SEH1L: variants seen among roughly 807,000 people sequenced by gnomAD.
SEH1L encodes SEH1 like nucleoporin, also known as nucleoporin SEH1.
In SEH1L, 18 loss-of-function variants were observed where a neutral mutation model predicts 49.5. The observed-to-expected ratio is 0.36, with a 90% confidence interval of 0.25 to 0.54. SEH1L has a LOEUF of 0.54. Among genes scored for constraint, SEH1L ranks in the 20% least tolerant of loss-of-function variants. The probability of loss-of-function intolerance (pLI) is 0.87; values close to 1 mark genes in which losing one functional copy is unlikely to be tolerated. For missense variants in SEH1L, 404 were observed against 528.8 expected (o/e 0.76, Z 2.31); for synonymous variants, 169 against 178.1 (o/e 0.95, Z 0.41).
chr18:12,948,163 C>T lies in SEH1L; in HGVS notation c.42C>T (p.Leu14=). The T allele has an allele frequency of 6.2e-7, 1 of 1,611,350 alleles. No individual in the cohort carries two copies. The highest frequency in any genetic ancestry group is 8.5e-7 in the Non-Finnish European group (1 of 1,179,236). ...GCATCGCGGCGGACCACAAGGATCT[C>T]ATCCACGATGTCTCTTTCGACTTCC... ...ARSIAADHKD[L]IHDVSFDFHG... The change falls in exon 1 of 9, where the codon CTC becomes CTT. Residue 14 remains leucine, a synonymous_variant. Coordinates refer to ENST00000399892, the MANE Select transcript of SEH1L (RefSeq NM_001013437.2).
chr18:12,954,026 C>T (rs1023267771), intron 2 of SEH1L, among the ~76,000 whole-genome samples: 3 of 151,492 alleles, frequency 2.0e-5, no homozygotes, highest in African/African-American at 7.3e-5. Context: ...ATTTTATAGC[C>T]CTGTATAAGT....
Position 12,982,591 on chromosome 18 carries a change from T to G in SEH1L, c.835T>G (p.Ser279Ala). The part of the protein sequence containing the change: ...HIVAQFDNHN[S>A]QVWRVSWNIT... ...AGTGGCTCAGTTCGATAATCATAAT[T>G]CTCAGGTCTGGCGAGTGAGTTGGAA... Residue 279 changes from serine (S) to alanine (A), a missense_variant, in exon 7 of 9, where the codon TCT becomes GCT. Around this residue, in one of 3 missense-constraint regions of SEH1L, gnomAD observed 342 missense variants for 430.8 expected, o/e 0.79. Coordinates refer to ENST00000399892, the MANE Select transcript of SEH1L (RefSeq NM_001013437.2). The G allele has an allele frequency of 6.2e-7, 1 of 1,613,912 alleles. No homozygotes were observed. The highest frequency in any genetic ancestry group is 1.3e-5 in the African/African-American group (1 of 75,042).
intron 1 of SEH1L, among the ~76,000 whole-genome samples, chr18:12,951,493 C>T (rs1339591672): frequency 6.6e-6 from 1 of 152,082 alleles, no homozygotes; most frequent in Non-Finnish European, 1.5e-5. Flanking sequence ...GGGGTTCAAA[C>T]GATTGTCTTG....
chr18:12,982,965 A>T (rs1345129797), intron 7 of SEH1L: 1 of 198,848 alleles, frequency 5.0e-6, no homozygotes, highest in Non-Finnish European at 1.0e-5. Flanking sequence ...ACCTTACATG[A>T]CTGCTCTACA....
intron 5 of SEH1L, chr18:12,972,886 T>C (rs529841404): frequency 3.4e-5 from 4 of 116,036 alleles, no homozygotes; most frequent in African/African-American, 1.4e-4. Flanking sequence ...AGAATGAATA[T>C]GTAGACATAA....
Position 12,958,718 on chromosome 18 carries a change from T to C in SEH1L, c.309+3109T>C, listed in dbSNP as rs576318177. ...TGGCTGAGTAATATTCCATTGTGTG[T>C]GTATACCACATTTTGTTTATCCATT... On this transcript the variant is annotated intron_variant, in intron 3 of 8. Transcript: ENST00000399892. Among the ~76,000 whole-genome samples, 4 of 152,342 alleles carry C rather than the reference T, an allele frequency of 2.6e-5. No homozygotes were observed. In the South Asian group the frequency reaches 8.3e-4, roughly 32 times the overall value.
intron 2 of SEH1L, among the ~76,000 whole-genome samples, chr18:12,954,230 T>C (rs1013728747): frequency 6.6e-6 from 1 of 152,258 alleles, no homozygotes; most frequent in African/African-American, 2.4e-5. Context: ...TATTATACAG[T>C]ATTTTCCCTG....
In SEH1L at chr18:12,948,193, G is replaced by T; in HGVS notation, c.72G>T (p.Gly24=). ...LIHDVSFDFH[G]RRMATCSSDQ... ...ACGATGTCTCTTTCGACTTCCACGGGCGGCGGATGGCAACCTGCTCCAGCG... is the reference window on the plus strand; with the variant it reads ...ACGATGTCTCTTTCGACTTCCACGGTCGGCGGATGGCAACCTGCTCCAGCG... The change falls in exon 1 of 9, where the codon GGG becomes GGT. Residue 24 remains glycine, a synonymous_variant. Coordinates refer to ENST00000399892, the MANE Select transcript of SEH1L (RefSeq NM_001013437.2). 1 of 1,612,112 alleles carries T rather than the reference G, an allele frequency of 6.2e-7. No homozygotes were observed. The highest frequency in any genetic ancestry group is 8.5e-7 in the Non-Finnish European group (1 of 1,179,402).
At chr18:12,982,799 A>T (rs2032324246) in intron 7 of SEH1L, 124 bp downstream of exon 7, 3 of 700,176 alleles carry the variant, frequency 4.3e-6, no homozygotes, top group Non-Finnish European at 6.9e-6. Flanking sequence ...TGTCATATTA[A>T]TTTATGTTAT....
intron 1 of SEH1L, among the ~76,000 whole-genome samples, chr18:12,950,869 G>C (rs1308982070): frequency 6.6e-6 from 1 of 152,072 alleles, no homozygotes; most frequent in Non-Finnish European, 1.5e-5. Flanking sequence ...GCCCAGGCTG[G>C]AGTGCAGTGG....
chr18:12,969,670 G>A lies in SEH1L; in HGVS notation c.522-1483G>A, dbSNP rs367747206. Among the ~76,000 whole-genome samples the A allele has an allele frequency of 1.2e-4, 18 of 146,276 alleles. No individual in the cohort carries two copies. In the East Asian group the frequency reaches 1.8e-3, roughly 15 times the overall value. Reference sequence around the variant, plus strand: ...GCCACTGCACTCCAGCCTGGCGACAGAGTGAGACTCCATCTCAAAAAAAAA... The same window carrying A: ...GCCACTGCACTCCAGCCTGGCGACAAAGTGAGACTCCATCTCAAAAAAAAA... On this transcript the variant is annotated intron_variant, in intron 4 of 8. Transcript: ENST00000399892.
At chr18:12,949,442 G>GTTTTTATTTTTTTTTT in intron 1 of SEH1L, among the ~76,000 whole-genome samples, 1 of 51,798 alleles carries the variant, frequency 1.9e-5, no homozygotes, top group Non-Finnish European at 3.5e-5. Flanking sequence ...TACGTTAACC[G>GTTTTTATTTTTTTTTT]TTTTTTTTTT....
At position 12,972,071 on chromosome 18, in the gene SEH1L, G is replaced by A. The variant is rs192875494; in HGVS notation, c.620+820G>A. ...GGGATCAGATGGATCTTCTATAGGT[G>A]TGACAAGTGTTTTGGAGGGAAACAT... On this transcript the variant is annotated intron_variant, in intron 5 of 8. Coordinates refer to ENST00000399892, the MANE Select transcript of SEH1L (RefSeq NM_001013437.2). 3.3e-5 allele frequency: 5 copies of A among 152,382 alleles called. No individual in the cohort carries two copies. In the East Asian group the frequency reaches 9.6e-4, roughly 29 times the overall value. The allele number at this position is 152,382 out of a possible 1,614,324, so 9.4% of individuals were successfully genotyped here.
At chr18:12,957,442 T>G (rs1163789409) in intron 3 of SEH1L, among the ~76,000 whole-genome samples, 1 of 148,490 alleles carries the variant, frequency 6.7e-6, no homozygotes, top group East Asian at 2.0e-4. Flanking sequence ...AAAAAAAAAA[T>G]ACACTCTCCT....
intron 3 of SEH1L, among the ~76,000 whole-genome samples, chr18:12,957,952 T>C (rs1370141423): frequency 6.6e-6 from 1 of 151,606 alleles, no homozygotes; most frequent in Non-Finnish European, 1.5e-5. Flanking sequence ...GAAGCAATCC[T>C]CTCACCTCGG....
At chr18:12,982,054 TG>T (rs1295377362) in intron 6 of SEH1L, among the ~76,000 whole-genome samples, 1 of 151,954 alleles carries the variant, frequency 6.6e-6, no homozygotes, top group Non-Finnish European at 1.5e-5. Flanking sequence ...TTAGTAGGGA[TG>T]GGGTTTCGCC....
Position 12,971,169 on chromosome 18 carries a change from C to G in SEH1L, c.538C>G (p.Pro180Ala). The G allele has an allele frequency of 6.2e-7, 1 of 1,613,200 alleles. No individual in the cohort carries two copies. Among genetic ancestry groups the G allele is most frequent in the Non-Finnish European group, 8.5e-7 (1 of 1,179,226 alleles). The change falls in exon 5 of 9, where the codon CCC (proline) becomes GCC (alanine). Residue 180 changes from proline to alanine, a missense_variant. Transcript: ENST00000399892. ...CGTTTCTAGCTCTCGTGCTCATTCC[C>G]CCATGATCGCCGTAGGAAGTGATGA... is the stretch of plus-strand genomic sequence containing the variant. The part of the protein sequence containing the change: ...WNPSSSRAHS[P>A]MIAVGSDDSS...
In SEH1L at chr18:12,982,564, A is replaced by G. The variant is rs2032313586; in HGVS notation, c.808A>G (p.Ile270Val). The change falls in exon 7 of 9, where the codon ATA becomes GTA. Residue 270 changes from isoleucine (I) to valine (V), a missense_variant. Ile to Val is a conservative substitution (Grantham distance 29). Transcript: ENST00000399892. ...TGGGCCAACAAAGTTTGAAATCCAT[A>G]TAGTGGCTCAGTTCGATAATCATAA... ...SGGPTKFEIH[I>V]VAQFDNHNSQ... 1 of 1,613,802 alleles carries G rather than the reference A, an allele frequency of 6.2e-7. No homozygotes were observed. Among genetic ancestry groups the G allele is most frequent in the South Asian group, 1.1e-5 (1 of 91,062 alleles).
intron 1 of SEH1L, 104 bp downstream of exon 1, chr18:12,948,336 G>C: frequency 1.2e-6 from 1 of 816,092 alleles, no homozygotes; most frequent in Non-Finnish European, 2.0e-6. Flanking sequence ...GACGCCGCTG[G>C]AAGCTGTGGG....
Sources: allele counts gnomAD v4.1 joint callset (sites outside exome capture counted in the v4.1 genomes callset), GRCh38; gene constraint gnomAD v4.1.1; regional missense constraint gnomAD v4.1.1; transcripts MANE v1.5; gene names NCBI Gene and HGNC (gene_info 2026-07-23, HGNC 2026-07-21).